The following INVS variants were observed in gnomAD, a reference collection of about 807,000 sequenced individuals.
INVS encodes the protein inversin, also known as inversion of embryo turning homolog.
INVS carries 86 observed loss-of-function variants against 108.8 expected under a neutral mutation model. That is an observed-to-expected ratio of 0.79 (90% CI 0.66 to 0.95). INVS has a LOEUF of 0.95. Ranked by LOEUF, INVS falls within the 40% of genes least tolerant of loss-of-function variation. The pLI is 0.00. For missense variants in INVS, 1,169 were observed against 1,297.4 expected (o/e 0.90, Z 1.52); for synonymous variants, 455 against 473.5 (o/e 0.96, Z 0.51).
At chr9:100,118,927 C>A (rs568732916) in intron 2 of INVS, among the ~76,000 whole-genome samples, 3 of 152,276 alleles carry the variant, frequency 2.0e-5, no homozygotes, top group Non-Finnish European at 4.4e-5. Flanking sequence ...TCCCAAAGTG[C>A]TCGGATTACA....
At chr9:100,125,681 A>ATT (rs68122542) in intron 2 of INVS, among the ~76,000 whole-genome samples, 7 of 99,020 alleles carry the variant, frequency 7.1e-5, no homozygotes, top group African/African-American at 1.2e-4. Context: ...ATCAACTGTG[A>ATT]TTTTTTTTTT....
Position 100,300,771 on chromosome 9 carries a change from A to G in INVS, c.*97A>G. The G allele has an allele frequency of 1.2e-6, 1 of 829,684 alleles. No individual in the cohort carries two copies. The highest frequency in any genetic ancestry group is 2.0e-6 in the Non-Finnish European group (1 of 493,286). The allele number at this position is 829,684 out of a possible 1,614,324, so 51.4% of individuals were successfully genotyped here. On this transcript the variant is annotated 3_prime_UTR_variant, in exon 17 of 17. Transcript: ENST00000262457. Reference sequence around the variant, plus strand: ...ATCTTTTACACCTTGGGAAAACTTTAATATCCGTACCTGAAGGCTGATTCA... The same window carrying G: ...ATCTTTTACACCTTGGGAAAACTTTGATATCCGTACCTGAAGGCTGATTCA...
At chr9:100,104,268 T>C (rs1827100054) in intron 1 of INVS, among the ~76,000 whole-genome samples, 1 of 152,200 alleles carries the variant, frequency 6.6e-6, no homozygotes, top group Non-Finnish European at 1.5e-5. Flanking sequence ...CCTCACTATC[T>C]TGCCCAGGCT....
intron 10 of INVS, among the ~76,000 whole-genome samples, chr9:100,256,641 AC>A (rs540169045): frequency 3.3e-5 from 5 of 152,334 alleles, no homozygotes; most frequent in African/African-American, 1.2e-4. Context: ...GTTTCAAAGA[AC>A]ATCTTTATTT....
chr9:100,253,239 C>A (rs1832298765), intron 10 of INVS, 103 bp downstream of exon 10: 1 of 847,510 alleles, frequency 1.2e-6, no homozygotes, highest in Non-Finnish European at 1.9e-6. Context: ...ATGAAGAGAT[C>A]ACCCACAAAT....
intron 13 of INVS, among the ~76,000 whole-genome samples, chr9:100,288,074 G>C (rs778999580): frequency 6.6e-6 from 1 of 152,186 alleles, no homozygotes; most frequent in African/African-American, 2.4e-5. Context: ...GCGTATAGCA[G>C]CCATTAGTCC....
chr9:100,115,550 C>A (rs1018128387), intron 2 of INVS, among the ~76,000 whole-genome samples: 1 of 152,018 alleles, frequency 6.6e-6, no homozygotes, highest in African/African-American at 2.4e-5. Context: ...TGAGAACATG[C>A]AGTATTTGGT....
rs555871114 is a variant in INVS at position 100,156,734 on chromosome 9, T to C, written c.273+30185T>C. Among the ~76,000 whole-genome samples, 11 of 152,244 alleles carry C rather than the reference T, an allele frequency of 7.2e-5. No individual in the cohort carries two copies. The South Asian group carries it at 2.3e-3, about 32-fold the overall frequency. ...ATTGATTTCTGGTTTACCCTTCATA[T>C]GTTTCATATATGTATGTTTCCTTGT... On this transcript the variant is annotated intron_variant, in intron 3 of 16. Coordinates refer to ENST00000262457, the MANE Select transcript of INVS (RefSeq NM_014425.5).
intron 2 of INVS, among the ~76,000 whole-genome samples, chr9:100,121,275 TC>T: frequency 1.3e-5 from 2 of 152,188 alleles, no homozygotes; most frequent in South Asian, 2.1e-4. Flanking sequence ...ATTTGCAAAA[TC>T]CCTTCATATT....
chr9:100,159,261 G>T (rs1273690726), intron 3 of INVS, among the ~76,000 whole-genome samples: 1 of 152,136 alleles, frequency 6.6e-6, no homozygotes, highest in African/African-American at 2.4e-5. Flanking sequence ...AAGTTTTAGG[G>T]AAGGTTTCAT....
intron 3 of INVS, among the ~76,000 whole-genome samples, chr9:100,193,335 AT>A (rs1830281831): frequency 6.6e-6 from 1 of 152,110 alleles, no homozygotes; most frequent in African/African-American, 2.4e-5. Flanking sequence ...CTTTATAAAA[AT>A]TTTGCAAAAA....
In INVS at chr9:100,226,136, T is replaced by G; in HGVS notation, c.348T>G (p.Thr116=). ...TGCAAAAGGATCTGGAAGAGATGACTCCTTTGCACTTGACCACCCGGCACA... is the reference window on the plus strand; with the variant it reads ...TGCAAAAGGATCTGGAAGAGATGACGCCTTTGCACTTGACCACCCGGCACA... The part of the protein sequence containing the change: ...NWMQKDLEEM[T]PLHLTTRHRS... Residue 116 remains threonine (T), a synonymous_variant, in exon 4 of 17, where the codon ACT becomes ACG. Transcript: ENST00000262457. 1 of 1,613,912 alleles carries G rather than the reference T, an allele frequency of 6.2e-7. No individual in the cohort carries two copies. The highest frequency in any genetic ancestry group is 8.5e-7 in the Non-Finnish European group (1 of 1,179,866).
chr9:100,131,674 G>A (rs535495475), intron 3 of INVS, among the ~76,000 whole-genome samples: 3 of 152,244 alleles, frequency 2.0e-5, no homozygotes, highest in Admixed American at 2.0e-4. Flanking sequence ...ATTAGTATAT[G>A]TTAATAGTTA....
chr9:100,099,709 T>C (rs1350816229), intron 1 of INVS, among the ~76,000 whole-genome samples: 1 of 152,158 alleles, frequency 6.6e-6, no homozygotes. Context: ...TGGAAAACTG[T>C]GTGAGTGATT....
intron 3 of INVS, among the ~76,000 whole-genome samples, chr9:100,133,649 A>G (rs1053942187): frequency 6.6e-6 from 1 of 152,100 alleles, no homozygotes; most frequent in Non-Finnish European, 1.5e-5. Context: ...AAGTCTGGCA[A>G]TCAATATTGA....
At chr9:100,192,520 C>T (rs1491004155) in intron 3 of INVS, among the ~76,000 whole-genome samples, 2 of 152,118 alleles carry the variant, frequency 1.3e-5, no homozygotes, top group East Asian at 3.9e-4. Flanking sequence ...AAAAAATTAA[C>T]ACTCTTGTAC....
Position 100,284,606 on chromosome 9 carries a change from A to G in INVS, c.2068+3A>G. Reference sequence around the variant, plus strand: ...AACAAACTCCAGAAGGCCAAATGGTAGGTGTATTGCCTTTGTCATCTTCTG... The same window carrying G: ...AACAAACTCCAGAAGGCCAAATGGTGGGTGTATTGCCTTTGTCATCTTCTG... On this transcript the variant is annotated splice_donor_region_variant and intron_variant, in intron 13 of 16. Transcript: ENST00000262457. The G allele has an allele frequency of 6.2e-7, 1 of 1,612,640 alleles. No homozygotes were observed. Among genetic ancestry groups the G allele is most frequent in the African/African-American group, 1.3e-5 (1 of 75,038 alleles).
intron 10 of INVS, among the ~76,000 whole-genome samples, chr9:100,258,116 C>A (rs1205604725): frequency 6.6e-6 from 1 of 152,100 alleles, no homozygotes; most frequent in Non-Finnish European, 1.5e-5. Flanking sequence ...TCTTTTTACT[C>A]TTTTTTCTCT....
chr9:100,099,384 GC>G lies in INVS; in HGVS notation c.-52del. The G allele has an allele frequency of 6.5e-6, 1 of 153,350 alleles. No homozygotes were observed. The highest frequency in any genetic ancestry group is 1.5e-5 in the Non-Finnish European group (1 of 68,538). 9.5% of individuals were successfully genotyped at this position (153,350 alleles called of 1,614,324 possible). Reference sequence around the variant, plus strand: ...GGTCCGGGTTGCGCCTCCTGGAGCCGCCCCCGGGACGTCAGTCCTGGAGGAG... The same window carrying G: ...GGTCCGGGTTGCGCCTCCTGGAGCCGCCCCGGGACGTCAGTCCTGGAGGAG... On this transcript the variant is annotated 5_prime_UTR_variant, in exon 1 of 17. Coordinates refer to ENST00000262457, the MANE Select transcript of INVS (RefSeq NM_014425.5).
Sources: gnomAD v4.1 joint callset for allele counts (sites outside exome capture counted in the v4.1 genomes callset) on GRCh38, gnomAD v4.1.1 for gene constraint, MANE v1.5 for transcripts, NCBI Gene and HGNC (gene_info 2026-07-23, HGNC 2026-07-21) for gene names.